Variants in WAC observed in about 807,000 individuals in gnomAD.
WAC encodes the protein WW domain containing adaptor with coiled-coil.
Under a neutral mutation model 79.6 loss-of-function variants are expected in WAC, and 11 were observed. That is an observed-to-expected ratio of 0.14 (90% CI 0.09 to 0.23). WAC has a LOEUF of 0.23. WAC is among the 10% of genes least tolerant of loss of function. The probability of loss-of-function intolerance (pLI) is 1.00; values close to 1 mark genes in which losing one functional copy is unlikely to be tolerated. For synonymous variants in WAC, 304 were observed against 276.9 expected (o/e 1.10, Z -0.97); for missense variants, 728 against 773.5 (o/e 0.94, Z 0.70).
At chr10:28,551,467 G>A (rs1167852370) in intron 3 of WAC, among the ~76,000 whole-genome samples, 8 of 152,172 alleles carry the variant, frequency 5.3e-5, no homozygotes, top group Admixed American at 2.6e-4. Context: ...TCGAGCAGTG[G>A]CTCAGTTGTA....
At chr10:28,556,438 T>G (rs1837999163) in intron 3 of WAC, among the ~76,000 whole-genome samples, 1 of 139,292 alleles carries the variant, frequency 7.2e-6, no homozygotes, top group South Asian at 2.4e-4. Context: ...GTGAGTTCCT[T>G]ATAGATTTTG....
intron 3 of WAC, among the ~76,000 whole-genome samples, chr10:28,536,316 T>C (rs1302176475): frequency 1.3e-5 from 2 of 151,844 alleles, no homozygotes; most frequent in Admixed American, 6.6e-5. Flanking sequence ...GTTTAAAACA[T>C]GCTTTCTTAA....
chr10:28,552,168 G>A (rs564210811), intron 3 of WAC, among the ~76,000 whole-genome samples: 1 of 152,096 alleles, frequency 6.6e-6, no homozygotes, highest in Non-Finnish European at 1.5e-5. Context: ...TACATTATTT[G>A]TTACTTTTCA....
In WAC at chr10:28,622,879, TC is replaced by T. The variant is rs1841741492; in HGVS notation, c.*3275del. On this transcript the variant is annotated 3_prime_UTR_variant, in exon 14 of 14. Transcript: ENST00000354911. ...ACCGGAACTATTGTAGTTCAGGACT[TC>T]CAGCTACTGTATTTAGATGTTGGGT... 1.3e-5 allele frequency: 2 copies of T among 152,196 alleles called. No homozygotes were observed. Among genetic ancestry groups the T allele is most frequent in the South Asian group, 4.1e-4 (2 of 4,820 alleles). The allele number at this position is 152,196 out of a possible 1,614,324, so 9.4% of individuals were successfully genotyped here.
chr10:28,578,282 C>T (rs1007557586), intron 3 of WAC, among the ~76,000 whole-genome samples: 1 of 152,104 alleles, frequency 6.6e-6, no homozygotes, highest in African/African-American at 2.4e-5. Flanking sequence ...TTATTCAGTC[C>T]TATTTTTGCT....
At chr10:28,569,064 C>T (rs1838804650) in intron 3 of WAC, among the ~76,000 whole-genome samples, 1 of 152,002 alleles carries the variant, frequency 6.6e-6, no homozygotes. Context: ...TGAAGAAGTT[C>T]CTGGATACTA....
chr10:28,597,684 T>C (rs2132720708), intron 7 of WAC, among the ~76,000 whole-genome samples: 1 of 152,310 alleles, frequency 6.6e-6, no homozygotes, highest in African/African-American at 2.4e-5. Flanking sequence ...TGTAAACTCT[T>C]AGTATTTGTT....
At chr10:28,590,993 C>T in intron 6 of WAC, 161 bp downstream of exon 6, 1 of 645,422 alleles carries the variant, frequency 1.5e-6, no homozygotes, top group South Asian at 1.9e-5. Context: ...ATTTTGGTCC[C>T]TGAAAAGGGA....
intron 3 of WAC, among the ~76,000 whole-genome samples, chr10:28,542,077 C>A (rs1310053140): frequency 6.6e-6 from 1 of 152,164 alleles, no homozygotes; most frequent in Non-Finnish European, 1.5e-5. Context: ...CTTGTTTGTG[C>A]TACTCTCTCC....
At chr10:28,600,586 T>A (rs1488901637) in intron 7 of WAC, among the ~76,000 whole-genome samples, 3 of 152,236 alleles carry the variant, frequency 2.0e-5, no homozygotes, top group South Asian at 2.1e-4. Context: ...GTCATTAAAT[T>A]TAACTAGGTT....
chr10:28,611,294 C>A (rs1841227176), intron 9 of WAC: 1 of 1,292,512 alleles, frequency 7.7e-7, no homozygotes, highest in Non-Finnish European at 1.0e-6. Flanking sequence ...GAGAGAGATA[C>A]ACATAGGAGC....
At chr10:28,613,072 C>T (rs1187887386) in intron 10 of WAC, among the ~76,000 whole-genome samples, 1 of 152,048 alleles carries the variant, frequency 6.6e-6, no homozygotes, top group African/African-American at 2.4e-5. Context: ...GAATTAGGCC[C>T]TGGGCAATAT....
Position 28,621,203 on chromosome 10 carries a change from G to A in WAC, c.*1597G>A, listed in dbSNP as rs1336569659. 1 of 138,596 alleles carries A rather than the reference G, an allele frequency of 7.2e-6. No individual in the cohort carries two copies. Among genetic ancestry groups the A allele is most frequent in the African/African-American group, 2.7e-5 (1 of 36,978 alleles). The allele number at this position is 138,596 out of a possible 1,614,324, so 8.6% of individuals were successfully genotyped here. A position where few individuals can be genotyped will look rare whatever the true frequency, so the allele number is the denominator to read the frequency against. On this transcript the variant is annotated 3_prime_UTR_variant, in exon 14 of 14. Coordinates refer to ENST00000354911, the MANE Select transcript of WAC (RefSeq NM_016628.5). ...CTTTTTTTTCTTTAAATTGGTTTAG[G>A]GTTTTTTGGTGATTTTTTTTTTTTT...
intron 3 of WAC, among the ~76,000 whole-genome samples, chr10:28,565,337 T>C (rs1838543431): frequency 6.6e-6 from 1 of 152,188 alleles, no homozygotes; most frequent in Non-Finnish European, 1.5e-5. Flanking sequence ...AGAGTGCAAC[T>C]GCAAAATTCA....
intron 3 of WAC, among the ~76,000 whole-genome samples, chr10:28,579,174 ATT>A (rs5784074): frequency 8.3e-5 from 12 of 143,912 alleles, no homozygotes; most frequent in African/African-American, 2.3e-4. Context: ...GGGTAGATGA[ATT>A]TTTTTTTTTT....
At chr10:28,558,379 AATT>A (rs775007164) in intron 3 of WAC, among the ~76,000 whole-genome samples, 3 of 152,154 alleles carry the variant, frequency 2.0e-5, no homozygotes, top group African/African-American at 4.8e-5. Context: ...AGCGCAAAGA[AATT>A]ATTTGATTTC....
intron 3 of WAC, chr10:28,538,359 A>C (rs1410281628): frequency 3.4e-6 from 1 of 297,544 alleles, no homozygotes; most frequent in Non-Finnish European, 7.3e-6. Flanking sequence ...AGGCAGGCAG[A>C]TCACCTGAGG....
chr10:28,603,182 G>A (rs1016613350), intron 7 of WAC, among the ~76,000 whole-genome samples: 2 of 151,712 alleles, frequency 1.3e-5, no homozygotes, highest in Non-Finnish European at 3.0e-5. Context: ...CACATTGGAA[G>A]AAGAAGAATT....
At chr10:28,608,516 C>T in intron 8 of WAC, 85 bp downstream of exon 8, 5 of 1,335,228 alleles carry the variant, frequency 3.7e-6, no homozygotes, top group Admixed American at 5.9e-5. Flanking sequence ...TAGGAATGGT[C>T]TTTGTTTTCT....
Sources: allele counts gnomAD v4.1 joint callset (sites outside exome capture counted in the v4.1 genomes callset), GRCh38; gene constraint gnomAD v4.1.1; transcripts MANE v1.5; gene names NCBI Gene and HGNC (gene_info 2026-07-23, HGNC 2026-07-21).